Variants in DIAPH2 observed in about 807,000 individuals in gnomAD.
DIAPH2 encodes the protein protein diaphanous homolog 2.
DIAPH2 carries 35 observed loss-of-function variants against 92.7 expected under a neutral mutation model. The observed-to-expected ratio is 0.38, with a 90% CI of 0.29 to 0.50. The LOEUF (loss-of-function observed/expected upper bound fraction) is 0.50. Among genes scored for constraint, DIAPH2 ranks in the 20% least tolerant of loss-of-function variants. DIAPH2 has a pLI of 0.94. For synonymous variants in DIAPH2, 301 were observed against 280.4 expected, an observed-to-expected ratio of 1.07 and a Z score of -0.73; for missense variants, 701 against 819.5, an observed-to-expected ratio of 0.86 and a Z score of 1.77.
intron 22 of DIAPH2, among the ~76,000 whole-genome samples, chrX:97,167,794 G>A (rs1214317190): frequency 9.0e-6 from 1 of 111,425 alleles, no homozygotes; most frequent in Non-Finnish European, 1.9e-5. Flanking sequence ...CAATCTAGTG[G>A]TTTAAGATGG....
chrX:97,247,584 A>G (rs2068152516), intron 22 of DIAPH2, 131 bp from the exon 23 acceptor site: 1 of 543,777 alleles, frequency 1.8e-6, no homozygotes, highest in Non-Finnish European at 2.8e-6. Context: ...TAATTCAGAA[A>G]AATGTGAGTT....
At chrX:96,768,363 C>T (rs1168081689) in intron 4 of DIAPH2, among the ~76,000 whole-genome samples, 2 of 111,847 alleles carry the variant, frequency 1.8e-5, no homozygotes, top group Admixed American at 1.9e-4. Context: ...ACTACTCATT[C>T]ATTCCCTGTG....
At chrX:97,244,633 T>C (rs1244161371) in intron 22 of DIAPH2, among the ~76,000 whole-genome samples, 2 of 111,760 alleles carry the variant, frequency 1.8e-5, no homozygotes, top group African/African-American at 6.5e-5. Flanking sequence ...ATAGTATGTT[T>C]GATGAAAAAT....
At chrX:97,157,538 ATATAAGCGTTGTACC>A (rs887097418) in intron 22 of DIAPH2, among the ~76,000 whole-genome samples, 1 of 110,433 alleles carries the variant, frequency 9.1e-6, no homozygotes, top group African/African-American at 3.3e-5. Context: ...CTCCCCATAT[ATATAAGCGTTGTACC>A]TACGGTAGAT....
intron 25 of DIAPH2, among the ~76,000 whole-genome samples, chrX:97,420,673 T>C (rs2069999588): frequency 8.9e-6 from 1 of 111,734 alleles, no homozygotes; most frequent in Non-Finnish European, 1.9e-5. Flanking sequence ...GATACCACTG[T>C]GCAAGGCCTC....
chrX:97,376,195 G>A (rs1210140878), intron 24 of DIAPH2, among the ~76,000 whole-genome samples: 3 of 111,093 alleles, frequency 2.7e-5, no homozygotes, highest in Non-Finnish European at 1.9e-5. Context: ...GTTGAAACTT[G>A]AGTAAAATGA....
rs370934651 is a variant in DIAPH2 at position 97,206,009 on chromosome X, A to G, written c.2720-41706A>G. On this transcript the variant is annotated intron_variant, in intron 22 of 26. Coordinates refer to ENST00000324765, the MANE Select transcript of DIAPH2 (RefSeq NM_006729.5). ...ATGAGATCATGTCCTTTGCAGGGACATGAATGAAGCTGTAAGCCATCATTC... is the reference window on the plus strand; with the variant it reads ...ATGAGATCATGTCCTTTGCAGGGACGTGAATGAAGCTGTAAGCCATCATTC... Among the ~76,000 whole-genome samples, 4 of 111,707 alleles carry G rather than the reference A, an allele frequency of 3.6e-5. No individual in the cohort carries two copies. In the East Asian group the frequency reaches 8.5e-4, roughly 24 times the overall value.
intron 1 of DIAPH2, among the ~76,000 whole-genome samples, chrX:96,687,444 C>CT (rs761658197): frequency 0.039 from 3,918 of 101,203 alleles, 134 homozygotes; most frequent in African/African-American, 0.11. Flanking sequence ...ATTTTCTTTT[C>CT]TTTTTTTTTT....
At chrX:97,224,925 G>A (rs1449808691) in intron 22 of DIAPH2, among the ~76,000 whole-genome samples, 1 of 110,756 alleles carries the variant, frequency 9.0e-6, no homozygotes, top group East Asian at 2.8e-4. Flanking sequence ...GTTGACTGAG[G>A]CCCAAGGCAC....
chrX:96,851,449 G>A, intron 4 of DIAPH2, among the ~76,000 whole-genome samples: 1 of 111,661 alleles, frequency 9.0e-6, no homozygotes, highest in Middle Eastern at 4.6e-3. Flanking sequence ...TGTCTGTGGG[G>A]AATTGGTTCC....
intron 17 of DIAPH2, among the ~76,000 whole-genome samples, chrX:97,034,530 C>A (rs1376817511): frequency 9.2e-6 from 1 of 109,066 alleles, no homozygotes; most frequent in Non-Finnish European, 1.9e-5. Flanking sequence ...TCAAAAACTT[C>A]ATCCTGCAGC....
At chrX:97,110,859 T>A (rs1402390301) in intron 20 of DIAPH2, among the ~76,000 whole-genome samples, 2 of 111,112 alleles carry the variant, frequency 1.8e-5, no homozygotes, top group East Asian at 5.7e-4. Context: ...GGCGGCTGCC[T>A]GTAGTCCCAG....
At chrX:97,532,394 T>G (rs1408654193) in intron 26 of DIAPH2, among the ~76,000 whole-genome samples, 2 of 112,702 alleles carry the variant, frequency 1.8e-5, no homozygotes, top group Non-Finnish European at 3.7e-5. Flanking sequence ...CTTCTACTTT[T>G]CATTTTGTAT....
chrX:96,918,031 A>C (rs770021350), intron 8 of DIAPH2, among the ~76,000 whole-genome samples: 1 of 111,171 alleles, frequency 9.0e-6, no homozygotes, highest in African/African-American at 3.2e-5. Context: ...TTTCCTTAAG[A>C]TTTTTAAAAT....
At chrX:96,704,352 G>A (rs2063871694) in intron 1 of DIAPH2, among the ~76,000 whole-genome samples, 1 of 111,629 alleles carries the variant, frequency 9.0e-6, no homozygotes, top group Non-Finnish European at 1.9e-5. Flanking sequence ...ATAAATACCT[G>A]GCCATATGAA....
chrX:96,823,446 G>A (rs950693999), intron 4 of DIAPH2, among the ~76,000 whole-genome samples: 2 of 111,170 alleles, frequency 1.8e-5, no homozygotes, highest in African/African-American at 6.5e-5. Context: ...TAAAAGATAT[G>A]TACAGCCAAT....
intron 21 of DIAPH2, among the ~76,000 whole-genome samples, chrX:97,138,599 CTCTTG>C (rs1420445054): frequency 2.7e-5 from 3 of 111,826 alleles, no homozygotes; most frequent in East Asian, 5.6e-4. Context: ...CAGTGACTCA[CTCTTG>C]TCTTATTTTC....
At chrX:97,588,497 T>C (rs924578147) in intron 26 of DIAPH2, among the ~76,000 whole-genome samples, 1 of 111,053 alleles carries the variant, frequency 9.0e-6, no homozygotes, top group Non-Finnish European at 1.9e-5. Flanking sequence ...ATGTGATTTT[T>C]ATCATTGAAG....
intron 9 of DIAPH2, among the ~76,000 whole-genome samples, chrX:96,925,119 A>G (rs780235501): frequency 9.0e-6 from 1 of 110,831 alleles, no homozygotes; most frequent in Non-Finnish European, 1.9e-5. Flanking sequence ...GCTTCAATTA[A>G]CTACCACTCA....
Sources: gnomAD v4.1 joint callset for allele counts (sites outside exome capture counted in the v4.1 genomes callset) on GRCh38, gnomAD v4.1.1 for gene constraint, MANE v1.5 for transcripts, NCBI Gene and HGNC (gene_info 2026-07-23, HGNC 2026-07-21) for gene names.